B3GALT1: variants seen among roughly 807,000 people sequenced by gnomAD.
B3GALT1 encodes the protein beta-1,3-galactosyltransferase 1, also known as UDP-Gal:betaGlcNAc beta 1,3-galactosyltransferase, polypeptide 1.
Under a neutral mutation model 23.2 loss-of-function variants are expected in B3GALT1, and 10 were observed. The ratio of observed to expected loss-of-function variants is 0.43; its 90% CI spans 0.27 to 0.73. The LOEUF is 0.73. B3GALT1 is among the 30% of genes least tolerant of loss of function. B3GALT1 has a pLI of 0.21. For synonymous variants in B3GALT1, 156 were observed against 141.5 expected, an observed-to-expected ratio of 1.10 and a Z score of -0.73; for missense variants, 299 against 405.4, an observed-to-expected ratio of 0.74 and a Z score of 2.25.
chr2:167,298,684 C>G (rs753913541), intron 1 of B3GALT1, among the ~76,000 whole-genome samples: 1 of 152,036 alleles, frequency 6.6e-6, no homozygotes, highest in African/African-American at 2.4e-5. Context: ...TTTCCCTCTT[C>G]TTACAGGACC....
chr2:167,479,347 G>A (rs1699530746), intron 1 of B3GALT1, among the ~76,000 whole-genome samples: 1 of 151,868 alleles, frequency 6.6e-6, no homozygotes, highest in Non-Finnish European at 1.5e-5. Flanking sequence ...TCAAAAATAT[G>A]CATGTATATT....
chr2:167,769,706 T>G (rs1688039711), intron 3 of B3GALT1, among the ~76,000 whole-genome samples: 1 of 152,216 alleles, frequency 6.6e-6, no homozygotes, highest in African/African-American at 2.4e-5. Flanking sequence ...GCTTAATGTA[T>G]TTGAGATTAA....
intron 3 of B3GALT1, among the ~76,000 whole-genome samples, chr2:167,690,897 C>A (rs140905699): frequency 1.0e-3 from 158 of 152,102 alleles, no homozygotes; most frequent in African/African-American, 3.5e-3. Context: ...TAAGCAGGTG[C>A]GCCTTTGTTT....
At chr2:167,598,928 ATTCTC>A (rs1684828149) in intron 2 of B3GALT1, among the ~76,000 whole-genome samples, 1 of 152,196 alleles carries the variant, frequency 6.6e-6, no homozygotes, top group African/African-American at 2.4e-5. Flanking sequence ...TTTTCATTCT[ATTCTC>A]TTTCTTTATC....
At chr2:167,520,887 G>A (rs1054099779) in intron 2 of B3GALT1, among the ~76,000 whole-genome samples, 1 of 152,192 alleles carries the variant, frequency 6.6e-6, no homozygotes, top group Admixed American at 6.5e-5. Context: ...AGTCAGAATT[G>A]TATAAGCTGA....
At chr2:167,531,675 T>C (rs751514101) in intron 2 of B3GALT1, among the ~76,000 whole-genome samples, 17 of 152,206 alleles carry the variant, frequency 1.1e-4, no homozygotes, top group Non-Finnish European at 1.9e-4. Flanking sequence ...ACTTTATTTC[T>C]TTCTCCTATC....
At chr2:167,865,255 A>G (rs970967469) in intron 4 of B3GALT1, among the ~76,000 whole-genome samples, 22 of 152,174 alleles carry the variant, frequency 1.4e-4, no homozygotes, top group African/African-American at 5.1e-4. Context: ...CTAAAAATAC[A>G]AAAATTAGCC....
At chr2:167,709,740 A>T (rs1225775599) in intron 3 of B3GALT1, among the ~76,000 whole-genome samples, 1 of 152,030 alleles carries the variant, frequency 6.6e-6, no homozygotes, top group Non-Finnish European at 1.5e-5. Context: ...AGTGGTAGGT[A>T]TATATCTCTC....
chr2:167,822,302 GGT>G (rs1353873538), intron 4 of B3GALT1, among the ~76,000 whole-genome samples: 27 of 140,076 alleles, frequency 1.9e-4, no homozygotes, highest in African/African-American at 6.8e-4. Flanking sequence ...GTTCAGAAGA[GGT>G]GCTAAACTAA....
intron 3 of B3GALT1, among the ~76,000 whole-genome samples, chr2:167,778,144 A>G (rs1688192864): frequency 6.6e-6 from 1 of 152,222 alleles, no homozygotes; most frequent in African/African-American, 2.4e-5. Context: ...AAGTGCCACA[A>G]ATAGTTTAGA....
intron 1 of B3GALT1, among the ~76,000 whole-genome samples, chr2:167,319,264 T>C (rs1696765957): frequency 6.6e-6 from 1 of 152,116 alleles, no homozygotes; most frequent in Admixed American, 6.6e-5. Context: ...TAAGTATCTC[T>C]AAACATATAA....
At chr2:167,348,394 T>A (rs916702843) in intron 1 of B3GALT1, among the ~76,000 whole-genome samples, 6 of 152,188 alleles carry the variant, frequency 3.9e-5, no homozygotes, top group African/African-American at 1.4e-4. Context: ...TGAGCATTAC[T>A]ACCTTTAATT....
chr2:167,598,572 T>C (rs1466869508), intron 2 of B3GALT1, among the ~76,000 whole-genome samples: 3 of 152,188 alleles, frequency 2.0e-5, no homozygotes, highest in African/African-American at 4.8e-5. Context: ...ATTTCTATTA[T>C]AGGCTCAAAT....
chr2:167,831,972 C>T (rs1351380902), intron 4 of B3GALT1, among the ~76,000 whole-genome samples: 2 of 152,194 alleles, frequency 1.3e-5, no homozygotes, highest in African/African-American at 4.8e-5. Flanking sequence ...ACTCTCTAAA[C>T]TCCCTTTTAA....
At chr2:167,791,226 A>G (rs572505258) in intron 3 of B3GALT1, among the ~76,000 whole-genome samples, 69 of 152,320 alleles carry the variant, frequency 4.5e-4, no homozygotes, top group African/African-American at 1.5e-3. Flanking sequence ...TAACCCAACT[A>G]AAGTCACACA....
chr2:167,716,103 T>TG lies in B3GALT1; in HGVS notation c.-352+69139dup, dbSNP rs1226824416. The TG allele has an allele frequency of 5.5e-5, 83 of 1,517,314 alleles. No homozygotes were observed. The Middle Eastern group carries it at 7.0e-4, about 13-fold the overall frequency. The allele number at this position is 1,517,314 out of a possible 1,614,324, so 94.0% of individuals were successfully genotyped here. On this transcript the variant is annotated intron_variant, in intron 3 of 4. Coordinates refer to ENST00000392690, the MANE Select transcript of B3GALT1 (RefSeq NM_020981.4). ...CTCTGGCGGTCACCGCAGTTAACAC[T>TG]GGCCACAACAAGCGGTGGAGAACAC...
intron 3 of B3GALT1, among the ~76,000 whole-genome samples, chr2:167,718,937 G>A (rs1270207629): frequency 6.6e-6 from 1 of 152,104 alleles, no homozygotes; most frequent in Non-Finnish European, 1.5e-5. Flanking sequence ...CCTTATTTTG[G>A]GGTAGCATAT....
At chr2:167,665,560 C>G (rs1326898068) in intron 3 of B3GALT1, among the ~76,000 whole-genome samples, 1 of 151,526 alleles carries the variant, frequency 6.6e-6, no homozygotes, top group Non-Finnish European at 1.5e-5. Context: ...CCTTGTACCT[C>G]TGGTAGAATT....
intron 1 of B3GALT1, among the ~76,000 whole-genome samples, chr2:167,320,863 TA>T (rs1257667594): frequency 6.6e-6 from 1 of 152,016 alleles, no homozygotes; most frequent in African/African-American, 2.4e-5. Flanking sequence ...CTTTTTAAGT[TA>T]AAAGGAAAAT....
Sources: gnomAD v4.1 joint callset for allele counts (sites outside exome capture counted in the v4.1 genomes callset) on GRCh38, gnomAD v4.1.1 for gene constraint, MANE v1.5 for transcripts, NCBI Gene and HGNC (gene_info 2026-07-23, HGNC 2026-07-21) for gene names.